CNTN3: variants seen among roughly 807,000 people sequenced by gnomAD.
CNTN3 encodes the protein contactin-3.
CNTN3 carries 60 observed loss-of-function variants against 119.1 expected under a neutral mutation model. That is an observed-to-expected ratio of 0.50 (90% confidence interval 0.41 to 0.62). The LOEUF is 0.62. CNTN3 is among the 20% of genes least tolerant of loss of function. The pLI is 0.00. For synonymous variants in CNTN3, 450 were observed against 438.7 expected (o/e 1.03, Z -0.32); for missense variants, 1,101 against 1,242.4 (o/e 0.89, Z 1.71).
intron 20 of CNTN3, among the ~76,000 whole-genome samples, chr3:74,275,524 CAATAATTTTGTATCCAGCG>C (rs1288688306): frequency 1.3e-5 from 2 of 152,094 alleles, no homozygotes; most frequent in Admixed American, 1.3e-4. Flanking sequence ...AATTATCAGC[CAATAATTTTGTATCCAGCG>C]AAACTAAGCA....
chr3:74,593,639 G>A (rs531884353), intron 1 of CNTN3, among the ~76,000 whole-genome samples: 22 of 152,016 alleles, frequency 1.4e-4, no homozygotes, highest in South Asian at 6.2e-4. Context: ...AGTTATGACA[G>A]GTTGATTATA....
intron 8 of CNTN3, among the ~76,000 whole-genome samples, chr3:74,368,189 C>T (rs1020957667): frequency 1.3e-5 from 2 of 152,078 alleles, no homozygotes; most frequent in Admixed American, 6.6e-5. Context: ...AAGTGTTAAT[C>T]GTGCCAGAAG....
chr3:74,544,368 C>A (rs776693422), intron 1 of CNTN3, among the ~76,000 whole-genome samples: 2 of 152,148 alleles, frequency 1.3e-5, no homozygotes, highest in Non-Finnish European at 1.5e-5. Flanking sequence ...ACTGAACACA[C>A]GTCAGAATGT....
chr3:74,425,087 C>T (rs1371724379), intron 4 of CNTN3, 147 bp from the exon 5 acceptor site: 1 of 602,104 alleles, frequency 1.7e-6, no homozygotes, highest in African/African-American at 1.9e-5. Context: ...TAGAATTTCA[C>T]CCTTTATTTT....
At chr3:74,393,936 AT>A (rs1704981419) in intron 5 of CNTN3, among the ~76,000 whole-genome samples, 1 of 152,244 alleles carries the variant, frequency 6.6e-6, no homozygotes, top group Non-Finnish European at 1.5e-5. Context: ...TTAGAGCATC[AT>A]AAAAGTACAT....
At chr3:74,434,654 CA>C (rs1701837571) in intron 4 of CNTN3, among the ~76,000 whole-genome samples, 1 of 152,184 alleles carries the variant, frequency 6.6e-6, no homozygotes, top group East Asian at 1.9e-4. Flanking sequence ...TGTTGATCCA[CA>C]GGTTCCCCAT....
chr3:74,598,572 T>C (rs577615224), intron 1 of CNTN3, among the ~76,000 whole-genome samples: 1 of 152,044 alleles, frequency 6.6e-6, no homozygotes, highest in Non-Finnish European at 1.5e-5. Flanking sequence ...CCATAGATAA[T>C]CAATAAATTT....
intron 2 of CNTN3, among the ~76,000 whole-genome samples, chr3:74,508,896 G>A (rs980334429): frequency 6.6e-6 from 1 of 152,098 alleles, no homozygotes; most frequent in Non-Finnish European, 1.5e-5. Context: ...TCTTAGGAAT[G>A]AAACCAACCT....
intron 5 of CNTN3, among the ~76,000 whole-genome samples, chr3:74,406,515 G>GA (rs1235974503): frequency 6.7e-6 from 1 of 149,280 alleles, no homozygotes; most frequent in Non-Finnish European, 1.5e-5. Flanking sequence ...TTTCTTATTT[G>GA]AAAAAAATCA....
chr3:74,263,033 T>C lies in CNTN3; in HGVS notation c.*1368A>G, dbSNP rs1701604746. The C allele has an allele frequency of 6.6e-6, 1 of 152,182 alleles. No homozygotes were observed. Among genetic ancestry groups the C allele is most frequent in the South Asian group, 2.1e-4 (1 of 4,832 alleles). The allele number at this position is 152,182 out of a possible 1,614,324, so 9.4% of individuals were successfully genotyped here. On this transcript the variant is annotated 3_prime_UTR_variant, in exon 23 of 23. Transcript: ENST00000263665. ...CTAATTTTTAATCTTTCTTGTTATCTGAACTGTTTTCTAATTCTGATATTG... is the reference window on the plus strand; with the variant it reads ...CTAATTTTTAATCTTTCTTGTTATCCGAACTGTTTTCTAATTCTGATATTG...
rs548857121 is a variant in CNTN3, at chr3:74,539,846, C to T, written c.-80-18654G>A. Among the ~76,000 whole-genome samples, 9 of 152,268 alleles carry T rather than the reference C, an allele frequency of 5.9e-5. No homozygotes were observed. The South Asian group carries it at 1.9e-3, about 32-fold the overall frequency. On this transcript the variant is annotated intron_variant, in intron 1 of 22. Coordinates refer to ENST00000263665, the MANE Select transcript of CNTN3 (RefSeq NM_020872.3). ...AGACCCTTAATACAGTCCAAACGTA[C>T]AGGCTTTATTTCCCATTTCCACATT...
intron 5 of CNTN3, among the ~76,000 whole-genome samples, chr3:74,404,687 A>C (rs1188867641): frequency 6.6e-6 from 1 of 152,028 alleles, no homozygotes; most frequent in African/African-American, 2.4e-5. Context: ...ACTGAGACCC[A>C]CAGAGGTCTC....
At chr3:74,414,728 T>C (rs1701491634) in intron 5 of CNTN3, among the ~76,000 whole-genome samples, 2 of 152,188 alleles carry the variant, frequency 1.3e-5, no homozygotes, top group South Asian at 4.1e-4. Context: ...TAATACATTG[T>C]CAGGTTTCTT....
chr3:74,372,269 C>T (rs1260665165), intron 5 of CNTN3, among the ~76,000 whole-genome samples: 1 of 152,028 alleles, frequency 6.6e-6, no homozygotes, highest in Non-Finnish European at 1.5e-5. Flanking sequence ...AATAAAGATT[C>T]ATGGAGTTAG....
chr3:74,306,365 T>C (rs1198119111), intron 13 of CNTN3, among the ~76,000 whole-genome samples: 1 of 152,094 alleles, frequency 6.6e-6, no homozygotes, highest in African/African-American at 2.4e-5. Flanking sequence ...TATAAAATAA[T>C]TCAAGTAACA....
At chr3:74,455,722 C>A (rs1334252941) in intron 4 of CNTN3, among the ~76,000 whole-genome samples, 1 of 151,968 alleles carries the variant, frequency 6.6e-6, no homozygotes, top group Non-Finnish European at 1.5e-5. Context: ...TTCTAACAGA[C>A]AGGACTCTCA....
intron 13 of CNTN3, among the ~76,000 whole-genome samples, chr3:74,330,924 C>T (rs781194950): frequency 6.6e-6 from 1 of 151,902 alleles, no homozygotes; most frequent in Non-Finnish European, 1.5e-5. Context: ...TATAGCTGTA[C>T]AATGTGTGTT....
chr3:74,468,805 C>T (rs992947271), intron 4 of CNTN3, among the ~76,000 whole-genome samples: 1 of 151,794 alleles, frequency 6.6e-6, no homozygotes, highest in South Asian at 2.1e-4. Flanking sequence ...CACCTATATA[C>T]GTGACAGATG....
At chr3:74,458,345 T>C (rs1379031317) in intron 4 of CNTN3, among the ~76,000 whole-genome samples, 1 of 152,086 alleles carries the variant, frequency 6.6e-6, no homozygotes, top group Non-Finnish European at 1.5e-5. Flanking sequence ...AGATCCAGGC[T>C]GCCACATGTT....
Sources: allele counts gnomAD v4.1 joint callset (sites outside exome capture counted in the v4.1 genomes callset), GRCh38; gene constraint gnomAD v4.1.1; transcripts MANE v1.5; gene names NCBI Gene and HGNC (gene_info 2026-07-23, HGNC 2026-07-21).